SDK1: variants seen among roughly 807,000 people sequenced by gnomAD.
The protein encoded by SDK1 is sidekick cell adhesion molecule 1.
Under a neutral mutation model 245.5 loss-of-function variants are expected in SDK1, and 157 were observed. The observed-to-expected ratio is 0.64, with a 90% CI of 0.56 to 0.73. The LOEUF is 0.73. Ranked by LOEUF, SDK1 falls within the 30% of genes least tolerant of loss-of-function variation. The pLI is 0.00. For missense variants in SDK1, 3,583 were observed against 3,002.3 expected, an observed-to-expected ratio of 1.19 and a Z score of -4.52; for synonymous variants, 1,647 against 1,278.5, an observed-to-expected ratio of 1.29 and a Z score of -6.15.
intron 4 of SDK1, among the ~76,000 whole-genome samples, chr7:3,790,341 T>G (rs1295364637): frequency 6.6e-6 from 1 of 152,106 alleles, no homozygotes; most frequent in Non-Finnish European, 1.5e-5. Context: ...CTCTCCCTTT[T>G]CCCGCCCTCC....
intron 5 of SDK1, among the ~76,000 whole-genome samples, chr7:3,883,608 C>T (rs1287791446): frequency 3.9e-5 from 6 of 152,156 alleles, no homozygotes; most frequent in Non-Finnish European, 7.4e-5. Context: ...TCGTGCAGGC[C>T]TTTGACCTCT....
rs151061641 is a variant in SDK1, at chr7:3,985,572, C to T, written c.1995-1614C>T. Among the ~76,000 whole-genome samples, 26 of 152,254 alleles carry T rather than the reference C, an allele frequency of 1.7e-4. No individual in the cohort carries two copies. In the East Asian group the frequency reaches 4.8e-3, roughly 28 times the overall value. ...GAGGCCGAGGTTGGGGAGGATCGCC[C>T]AAGGCCAGGAGTTTGAGACCAGCCT... On this transcript the variant is annotated intron_variant, in intron 13 of 44. Coordinates refer to ENST00000404826, the MANE Select transcript of SDK1 (RefSeq NM_152744.4).
chr7:3,640,668 A>G (rs1338910206), intron 3 of SDK1, among the ~76,000 whole-genome samples: 1 of 152,006 alleles, frequency 6.6e-6, no homozygotes, highest in Non-Finnish European at 1.5e-5. Flanking sequence ...TCTGTTCTGT[A>G]TCTCTAGCTC....
At chr7:3,484,391 G>A (rs1036973835) in intron 1 of SDK1, among the ~76,000 whole-genome samples, 2 of 152,130 alleles carry the variant, frequency 1.3e-5, no homozygotes, top group African/African-American at 2.4e-5. Context: ...CCACAAGGCC[G>A]ACTTCGGGAC....
chr7:4,174,117 T>C lies in SDK1; in HGVS notation c.4801-105T>C, dbSNP rs4723444. The C allele has an allele frequency of 7.8e-6, 10 of 1,283,816 alleles. No homozygotes were observed. The African/African-American group carries it at 1.5e-4, about 19-fold the overall frequency. 79.5% of individuals were successfully genotyped at this position (1,283,816 alleles called of 1,614,324 possible). A position where few individuals can be genotyped will look rare whatever the true frequency, so the allele number is the denominator to read the frequency against. ...CACCTGTCGCTGGAACCCACGACTT[T>C]CTTCTGTGCAGCTGGCTAGTTAAAC... On this transcript the variant is annotated intron_variant, in intron 32 of 44. Coordinates refer to ENST00000404826, the MANE Select transcript of SDK1 (RefSeq NM_152744.4).
intron 4 of SDK1, among the ~76,000 whole-genome samples, chr7:3,799,680 G>C (rs1306114769): frequency 6.8e-6 from 1 of 147,038 alleles, no homozygotes; most frequent in African/African-American, 2.6e-5. Context: ...ACTCCAGCCT[G>C]GGCGACAGAG....
At position 4,145,894 on chromosome 7, in the gene SDK1, C is replaced by G; in HGVS notation, c.4401C>G (p.Thr1467=). The change falls in exon 29 of 45, where the codon ACC becomes ACG. Residue 1467 remains threonine, a synonymous_variant. Coordinates refer to ENST00000404826, the MANE Select transcript of SDK1 (RefSeq NM_152744.4). ...GCTGGGGGGAGCCACTGGAGGCCACCGTCATCACCACCGAGAAGAGAGGTA... is the reference window on the plus strand; with the variant it reads ...GCTGGGGGGAGCCACTGGAGGCCACGGTCATCACCACCGAGAAGAGAGGTA... ...RQGWGEPLEA[T]VITTEKRERP... 6.3e-7 allele frequency: 1 copy of G among 1,594,778 alleles called. No homozygotes were observed. Among genetic ancestry groups the G allele is most frequent in the Non-Finnish European group, 8.5e-7 (1 of 1,170,680 alleles).
At chr7:3,501,331 C>G (rs1225304901) in intron 1 of SDK1, among the ~76,000 whole-genome samples, 1 of 151,730 alleles carries the variant, frequency 6.6e-6, no homozygotes, top group Non-Finnish European at 1.5e-5. Context: ...TCTGTTTTCT[C>G]CAACTTGCTC....
intron 4 of SDK1, among the ~76,000 whole-genome samples, chr7:3,700,123 G>C (rs951448659): frequency 1.3e-5 from 2 of 152,130 alleles, no homozygotes; most frequent in Non-Finnish European, 2.9e-5. Flanking sequence ...CAGGAATGAA[G>C]GGGAAATTCA....
intron 17 of SDK1, among the ~76,000 whole-genome samples, chr7:4,028,891 G>A (rs968427463): frequency 3.3e-5 from 5 of 152,140 alleles, no homozygotes; most frequent in Non-Finnish European, 5.9e-5. Context: ...ATACTTGGAC[G>A]GAGCTCTGCA....
At position 3,502,550 on chromosome 7, in the gene SDK1, G is replaced by A. The variant is rs184991146; in HGVS notation, c.299-116530G>A. Among the ~76,000 whole-genome samples the A allele has an allele frequency of 5.8e-4, 88 of 152,202 alleles. 2 individuals are homozygous for A. The highest frequency in any genetic ancestry group is 1.1e-3 in the Non-Finnish European group (74 of 67,988). ...AGGCGTGAACCGCCATTCCCAGCCA[G>A]GATGATTTATTTTTAATAGCACCCC... On this transcript the variant is annotated intron_variant, in intron 1 of 44. Coordinates refer to ENST00000404826, the MANE Select transcript of SDK1 (RefSeq NM_152744.4).
Position 3,418,013 on chromosome 7 carries a change from GTT to G in SDK1, c.298+116132_298+116133del, listed in dbSNP as rs1239257250. 2.0e-5 allele frequency among the ~76,000 whole-genome samples: 3 copies of G among 152,076 alleles called. No individual in the cohort carries two copies. The East Asian group carries it at 5.8e-4, about 29-fold the overall frequency. The stretch of plus-strand genomic sequence containing the variant: ...CTCTACTGAGAGCAACTTTTCTTGA[GTT>G]TTACTAACTCAGTAGACACTGTCAG... On this transcript the variant is annotated intron_variant, in intron 1 of 44. Transcript: ENST00000404826.
At chr7:3,503,699 C>T (rs1386511289) in intron 1 of SDK1, among the ~76,000 whole-genome samples, 3 of 151,386 alleles carry the variant, frequency 2.0e-5, no homozygotes, top group African/African-American at 7.3e-5. Context: ...AAACAAAATG[C>T]ATTTATAGTA....
chr7:4,215,668 TG>T (rs1160294490), intron 38 of SDK1, among the ~76,000 whole-genome samples: 1 of 152,108 alleles, frequency 6.6e-6, no homozygotes, highest in Non-Finnish European at 1.5e-5. Flanking sequence ...GCTGGTTTGG[TG>T]GTGGTGGTTT....
At chr7:3,749,658 A>T (rs574665804) in intron 4 of SDK1, among the ~76,000 whole-genome samples, 48 of 152,322 alleles carry the variant, frequency 3.2e-4, no homozygotes, top group African/African-American at 1.2e-3. Flanking sequence ...CAAGGATAGA[A>T]GTGACTGCTG....
At chr7:3,564,087 T>G (rs1467542606) in intron 1 of SDK1, among the ~76,000 whole-genome samples, 2 of 152,036 alleles carry the variant, frequency 1.3e-5, no homozygotes, top group African/African-American at 4.8e-5. Context: ...CATAGTTTAT[T>G]AAACATATAG....
intron 5 of SDK1, among the ~76,000 whole-genome samples, chr7:3,856,482 A>T (rs769949667): frequency 0.13 from 368 of 2,748 alleles, 3 homozygotes; most frequent in South Asian, 0.44. Flanking sequence ...AGGTAATGTT[A>T]AAAAAAAAAA....
At chr7:3,548,396 C>G (rs984325743) in intron 1 of SDK1, among the ~76,000 whole-genome samples, 1 of 152,214 alleles carries the variant, frequency 6.6e-6, no homozygotes, top group African/African-American at 2.4e-5. Flanking sequence ...CTGGGTCTGT[C>G]TTACTCCAAA....
intron 5 of SDK1, among the ~76,000 whole-genome samples, chr7:3,836,585 T>C (rs746844224): frequency 6.6e-6 from 1 of 152,202 alleles, no homozygotes; most frequent in African/African-American, 2.4e-5. Flanking sequence ...AGGGAACATG[T>C]AGAAGCAACA....
Sources: allele counts gnomAD v4.1 joint callset (sites outside exome capture counted in the v4.1 genomes callset), GRCh38; gene constraint gnomAD v4.1.1; transcripts MANE v1.5; gene names NCBI Gene and HGNC (gene_info 2026-07-23, HGNC 2026-07-21).